Variants in KRT28 observed in about 807,000 individuals in gnomAD.
KRT28 encodes keratin, type I cytoskeletal 28.
Under a neutral mutation model 48.1 loss-of-function variants are expected in KRT28, and 45 were observed. The ratio of observed to expected loss-of-function variants is 0.94; its 90% CI spans 0.74 to 1.20. The LOEUF (loss-of-function observed/expected upper bound fraction) is 1.20, where lower values mean the gene tolerates loss of function less well. KRT28 is among the 50% of genes most tolerant of loss of function. The pLI is 0.00. For missense variants in KRT28, 571 were observed against 574.1 expected (o/e 0.99, Z 0.06); for synonymous variants, 228 against 227.4 (o/e 1.00, Z -0.03).
At chr17:40,792,747 A>C (rs1904521958) in intron 7 of KRT28, among the ~76,000 whole-genome samples, 178 bp from the exon 8 acceptor site, 1 of 152,236 alleles carries the variant, frequency 6.6e-6, no homozygotes, top group Non-Finnish European at 1.5e-5. Flanking sequence ...CAGTTTAGCT[A>C]AAACTACTTA....
At chr17:40,794,279 G>A (rs1904561661) in intron 5 of KRT28, among the ~76,000 whole-genome samples, 1 of 152,140 alleles carries the variant, frequency 6.6e-6, no homozygotes, top group Non-Finnish European at 1.5e-5. Flanking sequence ...GACTTTTGAT[G>A]TTCCACTGGA....
chr17:40,799,347 G>A (rs1339240046), intron 1 of KRT28, 97 bp downstream of exon 1: 1 of 1,002,670 alleles, frequency 1.0e-6, no homozygotes, highest in Non-Finnish European at 1.5e-6. Context: ...ATAAATACAA[G>A]TTATAACAGT....
chr17:40,793,930 C>G lies in KRT28; in HGVS notation c.1095G>C (p.Glu365Asp), dbSNP rs374895896. The G allele has an allele frequency of 6.2e-7, 1 of 1,613,844 alleles. No homozygotes were observed. Among genetic ancestry groups the G allele is most frequent in the African/African-American group, 1.3e-5 (1 of 74,906 alleles). The part of the protein sequence containing the change: ...LEEQLHQVRT[E>D]TEGQKLEYEH... ...CATACTCCAGCTTCTGGCCCTCGGT[C>G]TCGGTTCTGACCTGGTGCAGCTGCT... The change falls in exon 6 of 8, where the codon GAG becomes GAC. Residue 365 changes from glutamate to aspartate, a missense_variant. Transcript: ENST00000306658.
chr17:40,796,807 T>G (rs1904621630), intron 5 of KRT28, 109 bp downstream of exon 5: 1 of 1,392,618 alleles, frequency 7.2e-7, no homozygotes, highest in Non-Finnish European at 9.6e-7. Flanking sequence ...CTCTGCTAAG[T>G]ATTTGCAGGC....
Position 40,798,938 on chromosome 17 carries a change from G to A in KRT28, c.512C>T (p.Ala171Val), listed in dbSNP as rs1290446678. ...VILQIDNARL[A>V]ADDFRLKYEN... ...TTACTTTAGCCTGAAATCATCAGCA[G>A]CCAGTCTGGCATTATCAATCTGCAG... Residue 171 changes from alanine (A) to valine (V), a missense_variant, in exon 2 of 8, where the codon GCT becomes GTT. Coordinates refer to ENST00000306658, the MANE Select transcript of KRT28 (RefSeq NM_181535.3). 1.2e-6 allele frequency: 2 copies of A among 1,606,812 alleles called. No individual in the cohort carries two copies. The highest frequency in any genetic ancestry group is 1.3e-5 in the African/African-American group (1 of 74,802).
Position 40,799,576 on chromosome 17 carries a change from A to C in KRT28, c.318T>G (p.Ala106=), listed in dbSNP as rs2143081635. ...RLASYLDNVR[A]LEEANAELER... ...CTAATTCAGCATTTGCCTCCTCCAG[A>C]GCTCGCACATTATCCAGGTAGGATG... is the stretch of plus-strand genomic sequence containing the variant. The change falls in exon 1 of 8, where the codon GCT becomes GCG. Residue 106 remains alanine, a synonymous_variant. Coordinates refer to ENST00000306658, the MANE Select transcript of KRT28 (RefSeq NM_181535.3). 6.2e-7 allele frequency: 1 copy of C among 1,614,118 alleles called. No homozygotes were observed. The highest frequency in any genetic ancestry group is 2.2e-5 in the East Asian group (1 of 44,880).
At chr17:40,799,398 C>G in intron 1 of KRT28, 46 bp downstream of exon 1, 1 of 1,396,532 alleles carries the variant, frequency 7.2e-7, no homozygotes, top group Non-Finnish European at 9.8e-7. Context: ...TTAGGTATTT[C>G]TTAGTTTTAA....
Position 40,798,321 on chromosome 17 carries a change from C to CG in KRT28, c.603dup (p.Glu202ArgfsTer14). ...TGGTCGGTCCTGCAGAGCGTCAGCT[C>CG]GTCCAGGACTCGCCGTAATCCGTTG... is the stretch of plus-strand genomic sequence containing the variant. On this transcript the variant is annotated frameshift_variant, in exon 3 of 8. Transcript: ENST00000306658. LOFTEE classifies it high-confidence loss of function. 6.2e-7 allele frequency: 1 copy of CG among 1,613,480 alleles called. No homozygotes were observed. The highest frequency in any genetic ancestry group is 8.5e-7 in the Non-Finnish European group (1 of 1,179,604).
chr17:40,796,979 C>G lies in KRT28; in HGVS notation c.915G>C (p.Gln305His), dbSNP rs772478969. The stretch of plus-strand genomic sequence containing the variant: ...GCAGGGTGCGCCTCATCTCGGTGAG[C>G]TGGCTCCGGGCGAAAGTGGCTGCGC... Reference protein sequence around the residue: ...DSGAATFARSQLTEMRRTLQT... With the variant: ...DSGAATFARSHLTEMRRTLQT... Residue 305 changes from glutamine to histidine, a missense_variant, in exon 5 of 8, where the codon CAG (glutamine) becomes CAC (histidine). By Grantham distance (24) the Gln-to-His change is conservative. Coordinates refer to ENST00000306658, the MANE Select transcript of KRT28 (RefSeq NM_181535.3). 1 of 1,613,012 alleles carries G rather than the reference C, an allele frequency of 6.2e-7. No individual in the cohort carries two copies. Among genetic ancestry groups the G allele is most frequent in the Admixed American group, 1.7e-5 (1 of 59,960 alleles).
Position 40,797,178 on chromosome 17 carries a change from T to C in KRT28, c.794A>G (p.Glu265Gly), listed in dbSNP as rs764406801. ...GTTCTGCTCTGCAAGGGCTTCGTAC[T>C]CCGCTCGCATGTTGTTCAACAAAAC... is the stretch of plus-strand genomic sequence containing the variant. ...LAVLLNNMRA[E>G]YEALAEQNRK... Residue 265 changes from glutamate (E) to glycine (G), a missense_variant, in exon 4 of 8, where the codon GAG (glutamate) becomes GGG (glycine). Glu to Gly is a moderately conservative substitution (Grantham distance 98). Coordinates refer to ENST00000306658, the MANE Select transcript of KRT28 (RefSeq NM_181535.3). 2 of 1,614,070 alleles carry C rather than the reference T, an allele frequency of 1.2e-6. No individual in the cohort carries two copies. Among genetic ancestry groups the C allele is most frequent in the East Asian group, 4.5e-5 (2 of 44,864 alleles).
intron 5 of KRT28, among the ~76,000 whole-genome samples, chr17:40,795,309 CT>C (rs138970707): frequency 0.019 from 2,839 of 152,276 alleles, 38 homozygotes; most frequent in Non-Finnish European, 0.031. Flanking sequence ...CAGCTCAAAA[CT>C]TTAATTTCCC....
Position 40,794,066 on chromosome 17 carries a change from C to T in KRT28, c.979-20G>A, listed in dbSNP as rs1420210357. 9.3e-6 allele frequency: 15 copies of T among 1,613,072 alleles called. No individual in the cohort carries two copies. The highest frequency in any genetic ancestry group is 2.2e-5 in the East Asian group (1 of 44,872). Reference sequence around the variant, plus strand: ...GTGTTTCTGAGGACATCAAAGAAGCCGTGGCAAGGGATGAAAACACTCTGA... The same window carrying T: ...GTGTTTCTGAGGACATCAAAGAAGCTGTGGCAAGGGATGAAAACACTCTGA... On this transcript the variant is annotated intron_variant, in intron 5 of 7. Coordinates refer to ENST00000306658, the MANE Select transcript of KRT28 (RefSeq NM_181535.3).
Position 40,799,933 on chromosome 17 carries a change from T to C in KRT28, c.-40A>G, listed in dbSNP as rs1904726099. 5.5e-6 allele frequency: 8 copies of C among 1,453,762 alleles called. No homozygotes were observed. The highest frequency in any genetic ancestry group is 6.7e-6 in the Non-Finnish European group (7 of 1,049,302). The allele number at this position is 1,453,762 out of a possible 1,614,324, so 90.1% of individuals were successfully genotyped here. On this transcript the variant is annotated 5_prime_UTR_variant, in exon 1 of 8. Transcript: ENST00000306658. ...TGTTCACCTTGTCTATGCAAAACTGTAATGTCCCAAGAGAACAGAATATCA... is the reference window on the plus strand; with the variant it reads ...TGTTCACCTTGTCTATGCAAAACTGCAATGTCCCAAGAGAACAGAATATCA...
rs1227861217 is a variant in KRT28 at position 40,797,161 on chromosome 17, C to T, written c.811G>A (p.Glu271Lys). Residue 271 changes from glutamate to lysine, a missense_variant, in exon 4 of 8, where the codon GAG becomes AAG. Coordinates refer to ENST00000306658, the MANE Select transcript of KRT28 (RefSeq NM_181535.3). Reference sequence around the variant, plus strand: ...GCCTCCGCGTCCTTGCGGTTCTGCTCTGCAAGGGCTTCGTACTCCGCTCGC... The same window carrying T: ...GCCTCCGCGTCCTTGCGGTTCTGCTTTGCAAGGGCTTCGTACTCCGCTCGC... Reference protein sequence around the residue: ...NMRAEYEALAEQNRKDAEAWF... With the variant: ...NMRAEYEALAKQNRKDAEAWF... The T allele has an allele frequency of 1.2e-6, 2 of 1,614,200 alleles. No individual in the cohort carries two copies. Among genetic ancestry groups the T allele is most frequent in the South Asian group, 2.2e-5 (2 of 91,084 alleles).
intron 5 of KRT28, 127 bp from the exon 6 acceptor site, chr17:40,794,173 C>G: frequency 8.1e-6 from 9 of 1,116,894 alleles, no homozygotes; most frequent in Non-Finnish European, 1.2e-5. Context: ...TTGTCACAAT[C>G]AAATGGGAAA....
Position 40,799,836 on chromosome 17 carries a change from A to G in KRT28, c.58T>C (p.Ser20Pro). ...GCACCTCCATTGAGGGGTCTGACAG[A>G]TCCAGCTCCAGACCTTAAGCAAACA... ...RHVCLRSGAG[S>P]VRPLNGGAGF... Residue 20 changes from serine to proline, a missense_variant, in exon 1 of 8, where the codon TCT becomes CCT. Coordinates refer to ENST00000306658, the MANE Select transcript of KRT28 (RefSeq NM_181535.3). 1 of 1,614,072 alleles carries G rather than the reference A, an allele frequency of 6.2e-7. No individual in the cohort carries two copies. The highest frequency in any genetic ancestry group is 8.5e-7 in the Non-Finnish European group (1 of 1,180,016).
At chr17:40,796,775 T>A in intron 5 of KRT28, 141 bp downstream of exon 5, 1 of 1,162,806 alleles carries the variant, frequency 8.6e-7, no homozygotes, top group Non-Finnish European at 1.2e-6. Flanking sequence ...TGCATCTGTT[T>A]TTTCCTGCTC....
Position 40,798,942 on chromosome 17 carries a change from G to C in KRT28, c.508C>G (p.Leu170Val), listed in dbSNP as rs566305920. 2 of 1,608,170 alleles carry C rather than the reference G, an allele frequency of 1.2e-6. No individual in the cohort carries two copies. Among genetic ancestry groups the C allele is most frequent in the Non-Finnish European group, 1.7e-6 (2 of 1,176,958 alleles). Reference sequence around the variant, plus strand: ...TTTAGCCTGAAATCATCAGCAGCCAGTCTGGCATTATCAATCTGCAGAATG... The same window carrying C: ...TTTAGCCTGAAATCATCAGCAGCCACTCTGGCATTATCAATCTGCAGAATG... ...NVILQIDNARLAADDFRLKYE... is the reference protein window; with the variant it reads ...NVILQIDNARVAADDFRLKYE... Residue 170 changes from leucine (L) to valine (V), a missense_variant, in exon 2 of 8, where the codon CTG becomes GTG. Physicochemically the swap from Leu to Val is conservative, Grantham distance 32 (BLOSUM62 1). Coordinates refer to ENST00000306658, the MANE Select transcript of KRT28 (RefSeq NM_181535.3).
rs916824166 is a variant in KRT28 at position 40,792,540 on chromosome 17, C to T, written c.1282G>A (p.Val428Met). ...CCACGTTGATCTAGCTCTTCAACCA[C>T]TGTCTTTACCAGTGTGGTTTTGGAT... ...DLSKTTLVKT[V>M]VEELDQRGKV... Residue 428 changes from valine to methionine, a missense_variant, in exon 8 of 8, where the codon GTG (valine) becomes ATG (methionine). Transcript: ENST00000306658. 2.5e-6 allele frequency: 4 copies of T among 1,611,710 alleles called. No homozygotes were observed. In the African/African-American group the frequency reaches 5.3e-5, roughly 22 times the overall value.
Sources: gnomAD v4.1 joint callset for allele counts (sites outside exome capture counted in the v4.1 genomes callset) on GRCh38, gnomAD v4.1.1 for gene constraint, MANE v1.5 for transcripts, NCBI Gene and HGNC (gene_info 2026-07-23, HGNC 2026-07-21) for gene names.